The following GALNT14 variants were observed in gnomAD, a reference collection of about 807,000 sequenced individuals.
GALNT14 encodes the protein UDP-GalNAc:polypeptide N-acetylgalactosaminyltransferase 14.
Under a neutral mutation model 77.5 loss-of-function variants are expected in GALNT14, and 60 were observed. The ratio of observed to expected loss-of-function variants is 0.77; its 90% CI spans 0.63 to 0.96. The LOEUF is 0.96. Among genes scored for constraint, GALNT14 ranks in the 40% least tolerant of loss-of-function variants. The pLI, the probability that GALNT14 is intolerant of heterozygous loss-of-function variation, is 0.00. For synonymous variants in GALNT14, 280 were observed against 281.7 expected, an observed-to-expected ratio of 0.99 and a Z score of 0.06; for missense variants, 710 against 731.0, an observed-to-expected ratio of 0.97 and a Z score of 0.33.
Position 31,066,413 on chromosome 2 carries a change from G to A in GALNT14, c.129+71545C>T, listed in dbSNP as rs561157230. Among the ~76,000 whole-genome samples, 33 of 151,578 alleles carry A rather than the reference G, an allele frequency of 2.2e-4. No individual in the cohort carries two copies. In the East Asian group the frequency reaches 5.1e-3, roughly 23 times the overall value. ...AGCAGCTGCGAAAGGGTGCGGGGGCGGGGGGCGGGGGGGTGGTGTCCAGCC... is the reference window on the plus strand; with the variant it reads ...AGCAGCTGCGAAAGGGTGCGGGGGCAGGGGGCGGGGGGGTGGTGTCCAGCC... On this transcript the variant is annotated intron_variant, in intron 1 of 14. Transcript: ENST00000349752.
chr2:30,951,177 T>C (rs1032989895), intron 6 of GALNT14, among the ~76,000 whole-genome samples: 23 of 152,282 alleles, frequency 1.5e-4, no homozygotes, highest in Non-Finnish European at 1.5e-5. Flanking sequence ...TCATCAATGG[T>C]TGGATGGATA....
intron 1 of GALNT14, among the ~76,000 whole-genome samples, chr2:31,035,530 C>T (rs1479754057): frequency 1.4e-5 from 2 of 147,214 alleles, no homozygotes; most frequent in Non-Finnish European, 3.0e-5. Flanking sequence ...CAATTCCCAT[C>T]AATGGTAGAC....
At chr2:30,971,885 C>T (rs931249018) in intron 2 of GALNT14, among the ~76,000 whole-genome samples, 1 of 152,160 alleles carries the variant, frequency 6.6e-6, no homozygotes. Context: ...GAGCTCATTA[C>T]ATCCTGGCAG....
chr2:30,987,869 G>A (rs563676444), intron 2 of GALNT14, among the ~76,000 whole-genome samples: 5 of 152,280 alleles, frequency 3.3e-5, no homozygotes, highest in South Asian at 4.1e-4. Context: ...CTGTCCAAAC[G>A]CATCCTATAA....
intron 11 of GALNT14, among the ~76,000 whole-genome samples, chr2:30,928,365 C>T (rs1327880858): frequency 1.3e-5 from 2 of 152,140 alleles, no homozygotes; most frequent in East Asian, 1.9e-4. Flanking sequence ...AGTGAAGTTG[C>T]TATTTTTCTC....
Position 30,924,175 on chromosome 2 carries a change from G to A in GALNT14, c.1324C>T (p.Pro442Ser), listed in dbSNP as rs1375550100. ...ESQRQNNQET[P>S]NLKLSPCAKV... Reference sequence around the variant, plus strand: ...GCACAGGGGCTCAACTTTAGGTTTGGGGTTTCTTGGTTGTTCTGCCTTTGA... The same window carrying A: ...GCACAGGGGCTCAACTTTAGGTTTGAGGTTTCTTGGTTGTTCTGCCTTTGA... Residue 442 changes from proline to serine, a missense_variant, in exon 13 of 15, where the codon CCA becomes TCA. Physicochemically the swap from Pro to Ser is moderately conservative, Grantham distance 74. Transcript: ENST00000349752. 1 of 1,614,216 alleles carries A rather than the reference G, an allele frequency of 6.2e-7. No homozygotes were observed. Among genetic ancestry groups the A allele is most frequent in the Non-Finnish European group, 8.5e-7 (1 of 1,180,046 alleles).
intron 2 of GALNT14, among the ~76,000 whole-genome samples, chr2:30,987,576 G>A (rs1252539530): frequency 6.6e-6 from 1 of 152,188 alleles, no homozygotes; most frequent in Non-Finnish European, 1.5e-5. Context: ...TAAGCCCCCA[G>A]GCCTCTCTGG....
intron 1 of GALNT14, among the ~76,000 whole-genome samples, chr2:31,051,779 G>T (rs183028965): frequency 6.6e-6 from 1 of 152,218 alleles, no homozygotes; most frequent in Non-Finnish European, 1.5e-5. Flanking sequence ...CATTTACTGG[G>T]GCTTCCACCG....
chr2:30,942,727 G>A (rs1173212715), intron 8 of GALNT14, among the ~76,000 whole-genome samples: 1 of 152,202 alleles, frequency 6.6e-6, no homozygotes, highest in Non-Finnish European at 1.5e-5. Flanking sequence ...CGACCACGCA[G>A]AGGAGAAGGG....
intron 10 of GALNT14, 66 bp downstream of exon 10, chr2:30,932,002 C>G (rs1445614673): frequency 7.0e-7 from 1 of 1,424,706 alleles, no homozygotes; most frequent in Non-Finnish European, 9.2e-7. Context: ...GCAACCCTTA[C>G]CAGCAGCCGC....
At chr2:30,937,700 A>G (rs550953096) in intron 9 of GALNT14, among the ~76,000 whole-genome samples, 6 of 152,274 alleles carry the variant, frequency 3.9e-5, no homozygotes, top group Admixed American at 2.6e-4. Flanking sequence ...AATTGGGTCC[A>G]CTCAGAAAAG....
chr2:30,958,561 T>C, intron 3 of GALNT14, 97 bp from the exon 4 acceptor site: 1 of 930,278 alleles, frequency 1.1e-6, no homozygotes, highest in Non-Finnish European at 1.7e-6. Context: ...ATTTAAGGAA[T>C]GAAAAATCAG....
At chr2:30,970,364 G>C (rs1490995962) in intron 2 of GALNT14, among the ~76,000 whole-genome samples, 1 of 152,186 alleles carries the variant, frequency 6.6e-6, no homozygotes, top group Non-Finnish European at 1.5e-5. Flanking sequence ...CCCTCTCTGA[G>C]CTTCAAGACT....
chr2:31,080,843 T>A (rs114418727), intron 1 of GALNT14, among the ~76,000 whole-genome samples: 3,051 of 152,306 alleles, frequency 0.02, 40 homozygotes, highest in Non-Finnish European at 0.032. Flanking sequence ...AATACAAAAC[T>A]GGAAGACACT....
At chr2:30,979,799 GT>G (rs1235269280) in intron 2 of GALNT14, among the ~76,000 whole-genome samples, 1 of 152,064 alleles carries the variant, frequency 6.6e-6, no homozygotes, top group Non-Finnish European at 1.5e-5. Context: ...ACTCCATCCT[GT>G]GTCTGCCACC....
At chr2:31,117,580 G>A (rs1175169665) in intron 1 of GALNT14, among the ~76,000 whole-genome samples, 2 of 152,166 alleles carry the variant, frequency 1.3e-5, no homozygotes, top group Non-Finnish European at 2.9e-5. Flanking sequence ...TTGGAAACGT[G>A]AATGGAGATA....
intron 1 of GALNT14, among the ~76,000 whole-genome samples, chr2:31,009,294 A>T (rs1261622832): frequency 6.7e-6 from 1 of 150,268 alleles, no homozygotes; most frequent in African/African-American, 2.4e-5. Flanking sequence ...CTTCAGCAAC[A>T]TCCTACCCCC....
intron 1 of GALNT14, among the ~76,000 whole-genome samples, chr2:31,090,952 T>G (rs1676706822): frequency 6.6e-6 from 1 of 152,258 alleles, no homozygotes; most frequent in Non-Finnish European, 1.5e-5. Context: ...TTTTAGAGGC[T>G]GTATTACCTC....
At chr2:31,022,103 T>C (rs936370313) in intron 1 of GALNT14, among the ~76,000 whole-genome samples, 2 of 152,204 alleles carry the variant, frequency 1.3e-5, no homozygotes, top group African/African-American at 2.4e-5. Context: ...TCTTCTATTC[T>C]TTGTGGGCTA....
Sources: allele counts gnomAD v4.1 joint callset (sites outside exome capture counted in the v4.1 genomes callset), GRCh38; gene constraint gnomAD v4.1.1; transcripts MANE v1.5; gene names NCBI Gene and HGNC (gene_info 2026-07-23, HGNC 2026-07-21).